CSMD1: variants seen among roughly 807,000 people sequenced by gnomAD.
CSMD1 encodes CUB and sushi domain-containing protein 1.
A neutral mutation model predicts 417.5 loss-of-function variants in CSMD1; 213 were observed. The ratio of observed to expected loss-of-function variants is 0.51; its 90% confidence interval spans 0.46 to 0.57. The LOEUF is 0.57. Ranked by LOEUF, CSMD1 falls within the 20% of genes least tolerant of loss-of-function variation. CSMD1 has a pLI of 0.00. For synonymous variants in CSMD1, 2,862 were observed against 1,736.8 expected, an observed-to-expected ratio of 1.65 and a Z score of -16.11; for missense variants, 6,923 against 4,529.7, an observed-to-expected ratio of 1.53 and a Z score of -15.17.
At chr8:3,671,740 T>G (rs893980442) in intron 7 of CSMD1, among the ~76,000 whole-genome samples, 6 of 151,818 alleles carry the variant, frequency 4.0e-5, no homozygotes, top group Non-Finnish European at 7.4e-5. Flanking sequence ...GCAGGCTGCC[T>G]GGGACACAAA....
intron 46 of CSMD1, among the ~76,000 whole-genome samples, chr8:3,102,081 A>G (rs1414243923): frequency 1.3e-5 from 2 of 152,118 alleles, no homozygotes; most frequent in Non-Finnish European, 2.9e-5. Context: ...GGATGGTGAT[A>G]AGTTTCAAAG....
chr8:4,135,607 T>A (rs972915472), intron 3 of CSMD1, among the ~76,000 whole-genome samples: 5 of 152,270 alleles, frequency 3.3e-5, no homozygotes, highest in Middle Eastern at 3.4e-3. Flanking sequence ...GAGGAAAATT[T>A]AGTTTGCACT....
At chr8:3,526,361 G>C (rs1037036040) in intron 10 of CSMD1, among the ~76,000 whole-genome samples, 2 of 152,030 alleles carry the variant, frequency 1.3e-5, no homozygotes, top group Non-Finnish European at 2.9e-5. Context: ...CCTTTGGTGT[G>C]AGTTGAGAGT....
intron 5 of CSMD1, among the ~76,000 whole-genome samples, chr8:3,928,298 C>G (rs1224905398): frequency 6.6e-6 from 1 of 152,114 alleles, no homozygotes; most frequent in Non-Finnish European, 1.5e-5. Flanking sequence ...GATTATTCAA[C>G]TTCTTGAATG....
intron 1 of CSMD1, among the ~76,000 whole-genome samples, chr8:4,891,250 A>G (rs780161626): frequency 1.3e-5 from 2 of 152,108 alleles, no homozygotes; most frequent in Non-Finnish European, 2.9e-5. Flanking sequence ...AAATAATTGT[A>G]CCTATCTCTA....
chr8:4,001,728 G>A (rs1205495749), intron 4 of CSMD1, among the ~76,000 whole-genome samples: 3 of 152,190 alleles, frequency 2.0e-5, no homozygotes, highest in Non-Finnish European at 4.4e-5. Context: ...CACTGGGCCA[G>A]CATGAGTACT....
intron 18 of CSMD1, among the ~76,000 whole-genome samples, chr8:3,382,261 C>T (rs1810674969): frequency 6.6e-6 from 1 of 150,694 alleles, no homozygotes; most frequent in Non-Finnish European, 1.5e-5. Flanking sequence ...TATTTATTTG[C>T]ATTCTTCTGA....
chr8:4,141,479 G>A (rs766067630), intron 3 of CSMD1, among the ~76,000 whole-genome samples: 5 of 151,098 alleles, frequency 3.3e-5, no homozygotes, highest in Non-Finnish European at 5.9e-5. Context: ...TATACAATAT[G>A]CCATTTGGTC....
rs565288542 is a variant in CSMD1 at position 3,003,810 on chromosome 8, C to T, written c.8030-3679G>A. ...TGGCATTTAAAGTCTGAAGGATGAG[C>T]GCTTGTTAGCCAGGAAAAGGTGATG... is the stretch of plus-strand genomic sequence containing the variant. On this transcript the variant is annotated intron_variant, in intron 52 of 69. Transcript: ENST00000635120. Among the ~76,000 whole-genome samples the T allele has an allele frequency of 4.6e-5, 7 of 152,214 alleles. No homozygotes were observed. In the East Asian group the frequency reaches 9.7e-4, roughly 21 times the overall value.
At chr8:3,752,637 G>A (rs73188904) in intron 6 of CSMD1, among the ~76,000 whole-genome samples, 3 of 125,836 alleles carry the variant, frequency 2.4e-5, no homozygotes, top group Non-Finnish European at 4.7e-5. Flanking sequence ...CCAGACAACA[G>A]AGCAAGACTC....
At chr8:3,563,244 A>G (rs957271520) in intron 10 of CSMD1, among the ~76,000 whole-genome samples, 5 of 151,734 alleles carry the variant, frequency 3.3e-5, no homozygotes, top group African/African-American at 1.2e-4. Flanking sequence ...CTCCGCACAA[A>G]CCGGGATTTT....
At chr8:3,895,495 A>C (rs1309235459) in intron 5 of CSMD1, among the ~76,000 whole-genome samples, 1 of 152,126 alleles carries the variant, frequency 6.6e-6, no homozygotes, top group Non-Finnish European at 1.5e-5. Flanking sequence ...TATTAGGCCT[A>C]TTATCAATTT....
chr8:3,437,544 C>T (rs780346498), intron 12 of CSMD1, among the ~76,000 whole-genome samples: 1 of 152,160 alleles, frequency 6.6e-6, no homozygotes, highest in East Asian at 1.9e-4. Flanking sequence ...CAGAGGCCAA[C>T]GTATCCAGGG....
At chr8:4,825,804 A>T (rs545839315) in intron 1 of CSMD1, among the ~76,000 whole-genome samples, 1 of 151,994 alleles carries the variant, frequency 6.6e-6, no homozygotes, top group South Asian at 2.1e-4. Context: ...AAGAAAAAAA[A>T]AAGAAATCCC....
chr8:2,950,920 C>A (rs976619921), intron 66 of CSMD1, among the ~76,000 whole-genome samples, 194 bp downstream of exon 66: 3 of 152,130 alleles, frequency 2.0e-5, no homozygotes, highest in Non-Finnish European at 4.4e-5. Context: ...TTTCTGTACT[C>A]GTTTTGTAAT....
intron 5 of CSMD1, among the ~76,000 whole-genome samples, chr8:3,840,677 T>C (rs912711888): frequency 2.1e-4 from 32 of 150,150 alleles, no homozygotes; most frequent in South Asian, 1.1e-3. Context: ...TACAGTGACC[T>C]CAATTCTTTT....
intron 3 of CSMD1, among the ~76,000 whole-genome samples, chr8:4,053,131 C>T (rs372780438): frequency 1.8e-4 from 28 of 152,250 alleles, no homozygotes; most frequent in Admixed American, 5.2e-4. Flanking sequence ...GGAAGCTTCT[C>T]CATGGGTGCA....
intron 2 of CSMD1, among the ~76,000 whole-genome samples, chr8:4,527,950 G>A (rs1796606554): frequency 6.6e-6 from 1 of 152,138 alleles, no homozygotes; most frequent in Non-Finnish European, 1.5e-5. Context: ...CTGGCCCAGG[G>A]CACTCTGGAT....
chr8:3,635,831 A>AG (rs1797018002), intron 7 of CSMD1, among the ~76,000 whole-genome samples: 1 of 151,686 alleles, frequency 6.6e-6, no homozygotes, highest in African/African-American at 2.4e-5. Flanking sequence ...AAAGAAAGAA[A>AG]AAAAAAATGA....
Sources: allele counts gnomAD v4.1 joint callset (sites outside exome capture counted in the v4.1 genomes callset), GRCh38; gene constraint gnomAD v4.1.1; transcripts MANE v1.5; gene names NCBI Gene and HGNC (gene_info 2026-07-23, HGNC 2026-07-21).